Variants in TTLL10 observed in about 807,000 individuals in gnomAD.
The protein encoded by TTLL10 is inactive polyglycylase TTLL10.
Under a neutral mutation model 69.0 loss-of-function variants are expected in TTLL10, and 61 were observed. That is an observed-to-expected ratio of 0.88 (90% CI 0.72 to 1.09). The LOEUF is 1.09. Ranked by LOEUF, TTLL10 falls within the 50% of genes least tolerant of loss-of-function variation. TTLL10 has a pLI of 0.00. For missense variants in TTLL10, 962 were observed against 945.9 expected (o/e 1.02, Z -0.22); for synonymous variants, 408 against 393.3 (o/e 1.04, Z -0.44).
intron 14 of TTLL10, 126 bp from the exon 15 acceptor site, chr1:1,196,965 CAG>C: frequency 2.1e-6 from 2 of 961,004 alleles, no homozygotes; most frequent in Admixed American, 2.2e-5. Context: ...AGTGGACAAA[CAG>C]GGGAGCAAGG....
chr1:1,183,206 A>AGG (rs1046693557), intron 11 of TTLL10, among the ~76,000 whole-genome samples, 159 bp downstream of exon 11: 3 of 152,114 alleles, frequency 2.0e-5, no homozygotes, highest in African/African-American at 7.2e-5. Context: ...TAGCCAGCAG[A>AGG]GGGGAGGGGT....
In TTLL10 at chr1:1,180,864, A is replaced by G; in HGVS notation, c.755+4A>G. On this transcript the variant is annotated splice_donor_region_variant and intron_variant, in intron 8 of 15. Transcript: ENST00000379289. ...TGCCGGGGGGGGTCCAGGCCAGGTG[A>G]GTCTGCCCCTGCCCCTGCCCCCGTC... The G allele has an allele frequency of 6.4e-7, 1 of 1,558,962 alleles. No homozygotes were observed. Among genetic ancestry groups the G allele is most frequent in the Admixed American group, 1.9e-5 (1 of 53,054 alleles).
chr1:1,188,747 C>T lies in TTLL10; in HGVS notation c.1401+3638C>T, dbSNP rs530271565. On this transcript the variant is annotated intron_variant, in intron 13 of 15. Coordinates refer to ENST00000379289, the MANE Select transcript of TTLL10 (RefSeq NM_001130045.2). ...GGCATTGCATTGAATCTGTAAGTCA[C>T]GTAGCAGTGGCATCTTAACAATATT... Among the ~76,000 whole-genome samples, 57 of 152,200 alleles carry T rather than the reference C, an allele frequency of 3.7e-4. 1 individual carries two copies. The South Asian group carries it at 9.5e-3, about 25-fold the overall frequency.
chr1:1,197,317 G>T, intron 15 of TTLL10, 121 bp from the exon 16 acceptor site: 2 of 1,284,328 alleles, frequency 1.6e-6, no homozygotes, highest in Non-Finnish European at 1.1e-6. Context: ...TGGCAGCGCC[G>T]CCCCCTGCCC....
chr1:1,183,675 TCCTCCAGGCAGC>T (rs1249389770), intron 11 of TTLL10, among the ~76,000 whole-genome samples: 1 of 152,158 alleles, frequency 6.6e-6, no homozygotes, highest in African/African-American at 2.4e-5. Flanking sequence ...CATGCCCTCC[TCCTCCAGGCAGC>T]CCTCCAGGCT....
intron 13 of TTLL10, among the ~76,000 whole-genome samples, chr1:1,195,537 G>A (rs1298160770): frequency 1.0e-5 from 1 of 99,700 alleles, no homozygotes; most frequent in Non-Finnish European, 1.9e-5. Context: ...TAGAGGCAGG[G>A]TTTCACCATG....
intron 13 of TTLL10, among the ~76,000 whole-genome samples, chr1:1,189,074 A>G (rs1444499186): frequency 6.6e-6 from 1 of 152,208 alleles, no homozygotes; most frequent in Non-Finnish European, 1.5e-5. Flanking sequence ...TTTTTATATA[A>G]GGATCATGTC....
In TTLL10 at chr1:1,180,229, G is replaced by A; in HGVS notation, c.395G>A (p.Gly132Glu). The A allele has an allele frequency of 6.2e-7, 1 of 1,608,786 alleles. No individual in the cohort carries two copies. The highest frequency in any genetic ancestry group is 2.2e-5 in the East Asian group (1 of 44,726). ...PADSDDTNAA[G>E]PSAALLEGLL... The stretch of plus-strand genomic sequence containing the variant: ...GACTCGGATGACACTAACGCCGCCG[G>A]GCCCTCAGCTGCCCTCCTGGAGGGG... Residue 132 changes from glycine to glutamate, a missense_variant, in exon 6 of 16, where the codon GGG becomes GAG. Transcript: ENST00000379289.
At chr1:1,175,236 GGCTTACGATGAAATCAGCACCTGGCT>G (rs1247081373) in intron 3 of TTLL10, 4 of 198,504 alleles carry the variant, frequency 2.0e-5, no homozygotes, top group East Asian at 2.4e-4. Flanking sequence ...GGAGGCCTCA[GGCTTACGATGAAATCAGCACCTGGCT>G]GCCTCTTCCA....
chr1:1,187,677 G>A (rs2100901421), intron 13 of TTLL10, among the ~76,000 whole-genome samples: 1 of 152,080 alleles, frequency 6.6e-6, no homozygotes, highest in Admixed American at 6.6e-5. Context: ...GGCTGAGGAA[G>A]GTGGATCACC....
Position 1,185,299 on chromosome 1 carries a change from G to A in TTLL10, c.1401+190G>A. ...TAGCTGGCAGTGCCTGTCCCCAGCA[G>A]CCAGCAAAGGCCCGGACGGAAAGCC... On this transcript the variant is annotated intron_variant, in intron 13 of 15. Coordinates refer to ENST00000379289, the MANE Select transcript of TTLL10 (RefSeq NM_001130045.2). The surrounding 1 kb of genome is among the most constrained non-coding windows in gnomAD (Gnocchi z 6.1). 2 of 1,405,444 alleles carry A rather than the reference G, an allele frequency of 1.4e-6. No individual in the cohort carries two copies. Among genetic ancestry groups the A allele is most frequent in the Non-Finnish European group, 1.8e-6 (2 of 1,083,710 alleles). The allele number at this position is 1,405,444 out of a possible 1,614,324, so 87.1% of individuals were successfully genotyped here.
chr1:1,182,359 AG>A lies in TTLL10; in HGVS notation c.832del. 1 of 1,613,580 alleles carries A rather than the reference AG, an allele frequency of 6.2e-7. No individual in the cohort carries two copies. The highest frequency in any genetic ancestry group is 1.6e-4 in the Middle Eastern group (1 of 6,062). On this transcript the variant is annotated splice_acceptor_variant, in intron 9 of 15. Coordinates refer to ENST00000379289, the MANE Select transcript of TTLL10 (RefSeq NM_001130045.2). LOFTEE classifies it high-confidence loss of function. ...TCATCCTCCTGCCTCCCTGCCCTGC[AG>A]GGTCCTGAGAATGGAAGAGTTTTTC...
Position 1,183,005 on chromosome 1 carries a change from A to G in TTLL10, c.1046A>G (p.His349Arg). Residue 349 changes from histidine (H) to arginine (R), a missense_variant, in exon 11 of 16, where the codon CAC becomes CGC. Physicochemically the swap from His to Arg is conservative, Grantham distance 29. Coordinates refer to ENST00000379289, the MANE Select transcript of TTLL10 (RefSeq NM_001130045.2). ...TRSMEDDPIH[H>R]KTPFRGPQAR... ...AGCATGGAGGACGACCCCATCCACC[A>G]CAAGACGCCGTTCCGGGGGCCTCAG... The G allele has an allele frequency of 6.2e-7, 1 of 1,609,896 alleles. No individual in the cohort carries two copies. The highest frequency in any genetic ancestry group is 1.1e-5 in the South Asian group (1 of 90,358).
In TTLL10 at chr1:1,180,460, AC is replaced by A. The variant is rs57269982; in HGVS notation, c.507-18del. 8.7e-3 allele frequency: 9,618 copies of A among 1,107,368 alleles called. 317 individuals are homozygous for A. In the African/African-American group the frequency reaches 0.11, roughly 12 times the overall value. The allele number at this position is 1,107,368 out of a possible 1,614,324, so 68.6% of individuals were successfully genotyped here. ...AACCCCTTGCCTCGGCCCCCAGGTC[AC>A]CCCCGCCCCCACCCCTCGCAGCATC... On this transcript the variant is annotated intron_variant, in intron 6 of 15. Coordinates refer to ENST00000379289, the MANE Select transcript of TTLL10 (RefSeq NM_001130045.2).
rs767613194 is a variant in TTLL10 at position 1,197,869 on chromosome 1, G to A, written c.*22G>A. ...CTAGGGGCAGCCACCCGCGCCCAGC[G>A]CCCCGCGCCCCGCGCCCCAGCCGTG... On this transcript the variant is annotated 3_prime_UTR_variant, in exon 16 of 16. Transcript: ENST00000379289. 1.4e-4 allele frequency: 192 copies of A among 1,399,816 alleles called. No individual in the cohort carries two copies. Among genetic ancestry groups the A allele is most frequent in the East Asian group, 4.4e-4 (15 of 33,996 alleles). 86.7% of individuals were successfully genotyped at this position (1,399,816 alleles called of 1,614,324 possible).
At position 1,181,178 on chromosome 1, in the gene TTLL10, C is replaced by T. The variant is rs1454592284; in HGVS notation, c.755+318C>T. Among the ~76,000 whole-genome samples, 2 of 151,626 alleles carry T rather than the reference C, an allele frequency of 1.3e-5. No homozygotes were observed. Among genetic ancestry groups the T allele is most frequent in the Non-Finnish European group, 1.5e-5 (1 of 67,918 alleles). On this transcript the variant is annotated intron_variant, in intron 8 of 15. Transcript: ENST00000379289. This position sits in a 1 kb window ranked among gnomAD's most constrained non-coding sequence, Gnocchi z 4.6. ...GTGGCTGAACGGGGAAGATCCCACACGTCCCCAACCCACTGGGCCTGACAC... is the reference window on the plus strand; with the variant it reads ...GTGGCTGAACGGGGAAGATCCCACATGTCCCCAACCCACTGGGCCTGACAC...
chr1:1,174,651 G>A (rs911456115), intron 3 of TTLL10, 162 bp downstream of exon 3: 3 of 152,190 alleles, frequency 2.0e-5, no homozygotes, highest in Non-Finnish European at 2.9e-5. Flanking sequence ...TCAGCATCTC[G>A]GAGTGAGACG....
chr1:1,186,898 T>C (rs1557486278), intron 13 of TTLL10, among the ~76,000 whole-genome samples: 1 of 150,704 alleles, frequency 6.6e-6, no homozygotes, highest in Non-Finnish European at 1.5e-5. Flanking sequence ...CAGGCTGGAG[T>C]GCAGTGATGT....
Position 1,183,996 on chromosome 1 carries a change from C to T in TTLL10, c.1165C>T (p.Pro389Ser), listed in dbSNP as rs1647164399. The T allele has an allele frequency of 1.2e-6, 2 of 1,614,108 alleles. No homozygotes were observed. Among genetic ancestry groups the T allele is most frequent in the African/African-American group, 1.3e-5 (1 of 74,930 alleles). The part of the protein sequence containing the change: ...RSYLLIACTT[P>S]YMIFFGHGYA... ...CTACCTGCTCATTGCCTGCACCACA[C>T]CCTACATGATCTTCTTTGGCCACGG... is the stretch of plus-strand genomic sequence containing the variant. Residue 389 changes from proline to serine, a missense_variant, in exon 12 of 16, where the codon CCC becomes TCC. Coordinates refer to ENST00000379289, the MANE Select transcript of TTLL10 (RefSeq NM_001130045.2).
Sources: gnomAD v4.1 joint callset for allele counts (sites outside exome capture counted in the v4.1 genomes callset) on GRCh38, gnomAD v4.1.1 for gene constraint, Gnocchi (gnomAD v3.1) non-coding constraint, MANE v1.5 for transcripts, NCBI Gene and HGNC (gene_info 2026-07-23, HGNC 2026-07-21) for gene names.